GOLGA8A: variants seen among roughly 807,000 people sequenced by gnomAD.
GOLGA8A encodes golgin A8 family member A.
In GOLGA8A, 3 loss-of-function variants were observed where a neutral mutation model predicts 22.1. The observed-to-expected ratio is 0.14, with a 90% confidence interval of 0.06 to 0.35. GOLGA8A has a LOEUF of 0.35. Ranked by LOEUF, GOLGA8A falls within the 10% of genes least tolerant of loss-of-function variation. GOLGA8A has a pLI of 1.00. For missense variants in GOLGA8A, 16 were observed against 233.2 expected (o/e 0.07, Z 6.07); for synonymous variants, 7 against 91.7 (o/e 0.08, Z 5.28).
At chr15:34,420,876 G>A (rs1892770203) in intron 2 of GOLGA8A, among the ~76,000 whole-genome samples, 1 of 129,164 alleles carries the variant, frequency 7.7e-6, no homozygotes, top group Non-Finnish European at 1.6e-5. Flanking sequence ...CCCTTTCCAA[G>A]CATTGATGAT....
chr15:34,404,452 A>G (rs1892143555), intron 5 of GOLGA8A, among the ~76,000 whole-genome samples: 2 of 149,262 alleles, frequency 1.3e-5, no homozygotes, highest in Admixed American at 6.7e-5. Context: ...CTGTTCATAG[A>G]TGAGAAAGAT....
chr15:34,412,836 A>C (rs1892488126), intron 2 of GOLGA8A, among the ~76,000 whole-genome samples: 1 of 143,266 alleles, frequency 7.0e-6, no homozygotes, highest in African/African-American at 2.5e-5. Flanking sequence ...AAAGGATTTC[A>C]CATGCAATAG....
rs1445253912 is a variant in GOLGA8A at position 34,435,889 on chromosome 15, G to A, written c.-1211-418C>T. The stretch of plus-strand genomic sequence containing the variant: ...ACGAGCTCCAGCTTTATCTACTCAC[G>A]CCCTGGACACTGCCCGGAGCCCCAG... On this transcript the variant is annotated intron_variant, in intron 1 of 24. Transcript: ENST00000359187. Among the ~76,000 whole-genome samples the A allele has an allele frequency of 2.0e-5, 3 of 148,744 alleles. 1 individual carries two copies. The highest frequency in any genetic ancestry group is 2.0e-4 in the East Asian group (1 of 5,100).
At chr15:34,403,077 A>G (rs1892084728) in intron 5 of GOLGA8A, among the ~76,000 whole-genome samples, 1 of 85,166 alleles carries the variant, frequency 1.2e-5, no homozygotes, top group Non-Finnish European at 2.2e-5. Context: ...TTCGTTTCCT[A>G]TTTCTTATCA....
intron 2 of GOLGA8A, among the ~76,000 whole-genome samples, chr15:34,430,668 C>T (rs1188914548): frequency 6.7e-6 from 1 of 149,710 alleles, no homozygotes; most frequent in Middle Eastern, 3.4e-3. Context: ...GTAAAACACT[C>T]ACACATCCTA....
At chr15:34,432,841 C>T (rs369217893) in intron 2 of GOLGA8A, among the ~76,000 whole-genome samples, 5 of 148,994 alleles carry the variant, frequency 3.4e-5, no homozygotes, top group South Asian at 2.1e-4. Context: ...CTCACTAGGC[C>T]GTAGCTGTAA....
At chr15:34,420,774 G>T (rs200867259) in intron 2 of GOLGA8A, among the ~76,000 whole-genome samples, 1 of 129,618 alleles carries the variant, frequency 7.7e-6, no homozygotes, top group African/African-American at 2.9e-5. Context: ...AGCATCACAC[G>T]GAGTGGCTCA....
chr15:34,436,091 C>G (rs1349240503), intron 1 of GOLGA8A, among the ~76,000 whole-genome samples: 1 of 148,806 alleles, frequency 6.7e-6, no homozygotes, highest in Non-Finnish European at 1.5e-5. Flanking sequence ...TGTCCCCCTG[C>G]GTAGTGGCCA....
intron 2 of GOLGA8A, among the ~76,000 whole-genome samples, chr15:34,429,898 A>G (rs534594112): frequency 6.8e-6 from 1 of 148,032 alleles, no homozygotes; most frequent in African/African-American, 2.5e-5. Context: ...TGTTTCCACT[A>G]TTAGATTAAG....
At position 34,416,268 on chromosome 15, in the gene GOLGA8A, TTA is replaced by T. The variant is rs1378745746; in HGVS notation, c.-1122-8535_-1122-8534del. On this transcript the variant is annotated intron_variant, in intron 2 of 24. Coordinates refer to ENST00000359187, the MANE Select transcript of GOLGA8A (RefSeq NM_181077.5). ...TCTCTGATTACTCCTTATTCATATTTTATGTTTTGTTTTATAGATGTAATATA... is the reference window on the plus strand; with the variant it reads ...TCTCTGATTACTCCTTATTCATATTTTGTTTTGTTTTATAGATGTAATATA... 2.7e-5 allele frequency: 4 copies of T among 150,928 alleles called. No individual in the cohort carries two copies. The East Asian group carries it at 7.9e-4, about 30-fold the overall frequency. The allele number at this position is 150,928 out of a possible 1,614,324, so 9.3% of individuals were successfully genotyped here.
intron 2 of GOLGA8A, among the ~76,000 whole-genome samples, chr15:34,431,347 C>A (rs529976256): frequency 9.2e-6 from 1 of 108,180 alleles, no homozygotes; most frequent in South Asian, 3.9e-4. Context: ...ATATATATAT[C>A]TCACACACAC....
chr15:34,428,080 C>T (rs1893060676), intron 2 of GOLGA8A, among the ~76,000 whole-genome samples: 2 of 147,476 alleles, frequency 1.4e-5, no homozygotes, highest in Admixed American at 6.9e-5. Flanking sequence ...AGCTTTCTCT[C>T]CTTCAAATCA....
chr15:34,434,672 C>A (rs1326908563), intron 2 of GOLGA8A, among the ~76,000 whole-genome samples: 1 of 149,188 alleles, frequency 6.7e-6, no homozygotes, highest in Admixed American at 6.7e-5. Context: ...CCAACCACCA[C>A]CCAAGGGAAC....
At chr15:34,432,060 G>A (rs74696971) in intron 2 of GOLGA8A, among the ~76,000 whole-genome samples, 2 of 149,090 alleles carry the variant, frequency 1.3e-5, no homozygotes. Flanking sequence ...ACGACCAAAC[G>A]TCTCTCTGCA....
chr15:34,405,952 T>A (rs1183239071), intron 4 of GOLGA8A, among the ~76,000 whole-genome samples: 3 of 136,358 alleles, frequency 2.2e-5, no homozygotes, highest in Non-Finnish European at 4.9e-5. Context: ...GGGAATGTGA[T>A]GTTTCATTAT....
Position 34,379,332 on chromosome 15 carries a change from G to C in GOLGA8A, c.*2079C>G, listed in dbSNP as rs1397262257. The C allele has an allele frequency of 1.3e-5, 2 of 152,536 alleles. No individual in the cohort carries two copies. The highest frequency in any genetic ancestry group is 2.9e-5 in the Non-Finnish European group (2 of 68,030). The allele number at this position is 152,536 out of a possible 1,614,324, so 9.4% of individuals were successfully genotyped here. On this transcript the variant is annotated 3_prime_UTR_variant, in exon 25 of 25. Transcript: ENST00000359187. ...AAAATGTTTTATTTCAGAACATTAA[G>C]ATAGCAGTTACATTTTTTAATATTT...
chr15:34,427,557 G>T (rs998288813), intron 2 of GOLGA8A, among the ~76,000 whole-genome samples: 2 of 148,220 alleles, frequency 1.3e-5, no homozygotes, highest in Non-Finnish European at 3.0e-5. Context: ...GGAGGACAAA[G>T]ATCCTCCTGG....
chr15:34,435,093 T>A (rs538860094), intron 2 of GOLGA8A, among the ~76,000 whole-genome samples: 1 of 149,284 alleles, frequency 6.7e-6, no homozygotes, highest in Non-Finnish European at 1.5e-5. Flanking sequence ...CCTGAGGCCC[T>A]CACCTATTAA....
intron 5 of GOLGA8A, among the ~76,000 whole-genome samples, 181 bp downstream of exon 5, chr15:34,404,736 C>G (rs558906348): frequency 1.4e-5 from 2 of 146,546 alleles, no homozygotes; most frequent in Admixed American, 6.9e-5. Context: ...ATTGTGCCAC[C>G]GCACTCTAGC....
Sources: allele counts gnomAD v4.1 joint callset (sites outside exome capture counted in the v4.1 genomes callset), GRCh38; gene constraint gnomAD v4.1.1; transcripts MANE v1.5; gene names NCBI Gene and HGNC (gene_info 2026-07-23, HGNC 2026-07-21).